The following ELF1 variants were observed in gnomAD, a reference collection of about 807,000 sequenced individuals.
The protein encoded by ELF1 is ETS-related transcription factor Elf-1.
Under a neutral mutation model 59.9 loss-of-function variants are expected in ELF1, and 24 were observed. The observed-to-expected ratio is 0.40, with a 90% CI of 0.29 to 0.56. ELF1 has a LOEUF of 0.56. Ranked by LOEUF, ELF1 falls within the 20% of genes least tolerant of loss-of-function variation. The probability of loss-of-function intolerance (pLI) is 0.44; values close to 1 mark genes in which losing one functional copy is unlikely to be tolerated. For synonymous variants in ELF1, 248 were observed against 266.2 expected, an observed-to-expected ratio of 0.93 and a Z score of 0.67; for missense variants, 627 against 742.2, an observed-to-expected ratio of 0.84 and a Z score of 1.80.
chr13:40,941,191 G>T lies in ELF1; in HGVS notation c.986C>A (p.Ser329Ter). Residue 329 changes from serine to a stop codon, truncating the protein, a stop_gained, in exon 8 of 9, where the codon TCG becomes TAG. Transcript: ENST00000239882. LOFTEE classifies it high-confidence loss of function. ...TACCCCTGGACTTGAAGATACTCTCGACCGGCTGGTTTGATTCCTATTTGA... is the reference window on the plus strand; with the variant it reads ...TACCCCTGGACTTGAAGATACTCTCTACCGGCTGGTTTGATTCCTATTTGA... Reference protein sequence around the residue: ...ATSNRNQTSRSRVSSSPGVKG... With the variant: ...ATSNRNQTSR 1 of 1,614,120 alleles carries T rather than the reference G, an allele frequency of 6.2e-7. No homozygotes were observed. Among genetic ancestry groups the T allele is most frequent in the Non-Finnish European group, 8.5e-7 (1 of 1,180,010 alleles).
intron 5 of ELF1, among the ~76,000 whole-genome samples, chr13:40,949,333 C>A (rs1870701804): frequency 6.6e-6 from 1 of 151,862 alleles, no homozygotes; most frequent in Non-Finnish European, 1.5e-5. Context: ...GAAGAAATAC[C>A]TCTTTTTCTT....
At chr13:41,011,506 C>G (rs189462501) in intron 1 of ELF1, among the ~76,000 whole-genome samples, 1 of 151,968 alleles carries the variant, frequency 6.6e-6, no homozygotes, top group Non-Finnish European at 1.5e-5. Flanking sequence ...TATAGTGGCA[C>G]GAACATGCCT....
rs192369730 is a variant in ELF1 at position 40,967,695 on chromosome 13, A to T, written c.73-8679T>A. Among the ~76,000 whole-genome samples the T allele has an allele frequency of 3.7e-4, 56 of 151,882 alleles. No individual in the cohort carries two copies. The East Asian group carries it at 0.01, about 28-fold the overall frequency. ...CATCTGTGAACTCCTGGGCTCATGC[A>T]ATCCTCCTGCCTCAGTCTCCCAAGT... On this transcript the variant is annotated intron_variant, in intron 2 of 8. Coordinates refer to ENST00000239882, the MANE Select transcript of ELF1 (RefSeq NM_172373.4).
At chr13:41,005,910 T>C (rs1489694124) in intron 1 of ELF1, among the ~76,000 whole-genome samples, 6 of 152,170 alleles carry the variant, frequency 3.9e-5, no homozygotes, top group Admixed American at 3.3e-4. Context: ...TCTTATCCAT[T>C]CATATTGGTC....
chr13:41,024,681 T>C (rs553987629), intron 1 of ELF1, among the ~76,000 whole-genome samples: 4 of 152,248 alleles, frequency 2.6e-5, no homozygotes, highest in South Asian at 4.1e-4. Context: ...ATGGCCACCA[T>C]TGCTGTGTTT....
chr13:40,962,690 A>AG (rs1331326709), intron 2 of ELF1, among the ~76,000 whole-genome samples: 1 of 151,872 alleles, frequency 6.6e-6, no homozygotes, highest in Admixed American at 6.6e-5. Context: ...AAAAAAAAAA[A>AG]AAAAAAGAAG....
At chr13:41,046,186 A>G (rs948500431) in intron 1 of ELF1, among the ~76,000 whole-genome samples, 2 of 152,142 alleles carry the variant, frequency 1.3e-5, no homozygotes, top group Non-Finnish European at 2.9e-5. Flanking sequence ...GTCTCTGCAC[A>G]TGAGATGGGT....
chr13:40,998,100 T>A (rs1874219853), intron 1 of ELF1, among the ~76,000 whole-genome samples: 1 of 152,032 alleles, frequency 6.6e-6, no homozygotes, highest in South Asian at 2.1e-4. Context: ...TTAGCTGAGA[T>A]AGCATCACTG....
intron 1 of ELF1, among the ~76,000 whole-genome samples, chr13:40,983,299 T>A (rs1873382366): frequency 6.6e-6 from 1 of 152,196 alleles, no homozygotes; most frequent in South Asian, 2.1e-4. Flanking sequence ...AAGGAAAGGA[T>A]GGCCAGTAAT....
chr13:41,015,980 G>A (rs572728781), intron 1 of ELF1, among the ~76,000 whole-genome samples: 1 of 152,208 alleles, frequency 6.6e-6, no homozygotes, highest in African/African-American at 2.4e-5. Flanking sequence ...TCTTATTGAC[G>A]AAGACACTCT....
At chr13:40,987,799 G>A (rs1480366315) in intron 1 of ELF1, among the ~76,000 whole-genome samples, 6 of 152,072 alleles carry the variant, frequency 3.9e-5, no homozygotes, top group Admixed American at 3.9e-4. Context: ...TAAAAAACTG[G>A]AATGCTACAG....
intron 1 of ELF1, among the ~76,000 whole-genome samples, chr13:41,007,047 A>G (rs1371836992): frequency 6.6e-6 from 1 of 152,044 alleles, no homozygotes; most frequent in Non-Finnish European, 1.5e-5. Flanking sequence ...AAAATATTAA[A>G]CCTTACTCAA....
At chr13:41,002,117 A>G (rs896306381) in intron 1 of ELF1, among the ~76,000 whole-genome samples, 2 of 151,866 alleles carry the variant, frequency 1.3e-5, no homozygotes, top group African/African-American at 2.4e-5. Flanking sequence ...TCTGGGGGGG[A>G]AATAGGTACA....
At chr13:41,007,849 G>T (rs916723185) in intron 1 of ELF1, among the ~76,000 whole-genome samples, 2 of 152,126 alleles carry the variant, frequency 1.3e-5, no homozygotes, top group Non-Finnish European at 2.9e-5. Context: ...CCTTTCAGGG[G>T]GCTCCTGAGA....
At chr13:41,016,947 A>AATATAT (rs1276103107) in intron 1 of ELF1, among the ~76,000 whole-genome samples, 932 of 24,638 alleles carry the variant, frequency 0.038, 39 homozygotes, top group African/African-American at 0.051. Context: ...AAAAAAAAAA[A>AATATAT]ATATATATAT....
chr13:41,040,244 C>A (rs1318688928), intron 1 of ELF1, among the ~76,000 whole-genome samples: 1 of 152,116 alleles, frequency 6.6e-6, no homozygotes, highest in South Asian at 2.1e-4. Context: ...TAGAAACAAA[C>A]TATTATGTAA....
chr13:41,047,554 T>C (rs1483262465), intron 1 of ELF1, among the ~76,000 whole-genome samples: 8 of 152,194 alleles, frequency 5.3e-5, no homozygotes, highest in African/African-American at 1.4e-4. Context: ...TTCCAGACCC[T>C]GTGTGCCCGG....
chr13:41,048,348 C>T (rs535134563), intron 1 of ELF1, among the ~76,000 whole-genome samples: 1 of 152,330 alleles, frequency 6.6e-6, no homozygotes, highest in South Asian at 2.1e-4. Context: ...ATGCAGAAAT[C>T]ACCCGTCTTC....
chr13:40,934,120 G>A (rs1869604892), intron 8 of ELF1, 92 bp from the exon 9 acceptor site: 1 of 1,476,592 alleles, frequency 6.8e-7, no homozygotes. Flanking sequence ...CAAAATACCA[G>A]TTATGTGTTT....
Sources: allele counts gnomAD v4.1 joint callset (sites outside exome capture counted in the v4.1 genomes callset), GRCh38; gene constraint gnomAD v4.1.1; transcripts MANE v1.5; gene names NCBI Gene and HGNC (gene_info 2026-07-23, HGNC 2026-07-21).